INPP4B: variants seen among roughly 807,000 people sequenced by gnomAD.
INPP4B encodes inositol polyphosphate-4-phosphatase type II B.
INPP4B carries 55 observed loss-of-function variants against 122.5 expected under a neutral mutation model. The observed-to-expected ratio is 0.45, with a 90% CI of 0.36 to 0.56. The LOEUF (loss-of-function observed/expected upper bound fraction) is 0.56. Among genes scored for constraint, INPP4B ranks in the 20% least tolerant of loss-of-function variants. The pLI, the probability that INPP4B is intolerant of heterozygous loss-of-function variation, is 0.00. For synonymous variants in INPP4B, 403 were observed against 388.7 expected, an observed-to-expected ratio of 1.04 and a Z score of -0.43; for missense variants, 1,000 against 1,097.7, an observed-to-expected ratio of 0.91 and a Z score of 1.26.
chr4:142,203,121 T>G (rs1162624226), intron 14 of INPP4B, among the ~76,000 whole-genome samples: 1 of 152,112 alleles, frequency 6.6e-6, no homozygotes, highest in Non-Finnish European at 1.5e-5. Flanking sequence ...TTTATTTTTT[T>G]GCACATGCTG....
At chr4:142,230,591 C>T (rs1326349880) in intron 12 of INPP4B, among the ~76,000 whole-genome samples, 3 of 143,490 alleles carry the variant, frequency 2.1e-5, no homozygotes, top group African/African-American at 7.8e-5. Flanking sequence ...TTTGGTGAGC[C>T]GAGATCACAC....
At chr4:142,321,736 C>G (rs1455019139) in intron 7 of INPP4B, among the ~76,000 whole-genome samples, 1 of 152,096 alleles carries the variant, frequency 6.6e-6, no homozygotes, top group African/African-American at 2.4e-5. Context: ...TGTTGAAGAT[C>G]AGTTGGCTGT....
At chr4:142,193,752 C>T (rs1837001968) in intron 14 of INPP4B, among the ~76,000 whole-genome samples, 1 of 152,098 alleles carries the variant, frequency 6.6e-6, no homozygotes, top group African/African-American at 2.4e-5. Context: ...CCTTAGGTGA[C>T]ATAGAAAGAA....
chr4:142,635,148 C>T (rs1315243899), intron 2 of INPP4B, among the ~76,000 whole-genome samples: 3 of 151,946 alleles, frequency 2.0e-5, no homozygotes, highest in African/African-American at 4.8e-5. Flanking sequence ...AAATCAAAAC[C>T]ACTATGAGAT....
chr4:142,029,654 C>T, intron 25 of INPP4B: 1 of 985,370 alleles, frequency 1.0e-6, no homozygotes, highest in Non-Finnish European at 1.2e-6. Flanking sequence ...TTAATTGCAG[C>T]AAAGAAGTAA....
chr4:142,239,306 C>T (rs773479889), intron 11 of INPP4B, among the ~76,000 whole-genome samples: 23 of 152,064 alleles, frequency 1.5e-4, no homozygotes, highest in Non-Finnish European at 2.8e-4. Flanking sequence ...CATGTACATG[C>T]GTCCTGCCAA....
rs550497256 is a variant in INPP4B at position 142,084,648 on chromosome 4, A to G, written c.2487+1496T>C. The stretch of plus-strand genomic sequence containing the variant: ...CTAACAGAAATGCTACTAATCATTC[A>G]TTCAGTGGTGAATTGTGAGTAAATC... On this transcript the variant is annotated intron_variant, in intron 24 of 25. Coordinates refer to ENST00000262992, the MANE Select transcript of INPP4B (RefSeq NM_001101669.3). Among the ~76,000 whole-genome samples, 157 of 152,352 alleles carry G rather than the reference A, an allele frequency of 1.0e-3. 1 individual carries two copies. Among genetic ancestry groups the G allele is most frequent in the African/African-American group, 3.7e-3 (155 of 41,580 alleles).
intron 25 of INPP4B, 151 bp downstream of exon 25, chr4:142,081,880 T>A (rs540494398): frequency 1.6e-4 from 73 of 457,114 alleles, no homozygotes; most frequent in African/African-American, 1.4e-3. Context: ...GAGAAAATTA[T>A]CTATCTCTGA....
At chr4:142,413,803 G>A (rs545521463) in intron 5 of INPP4B, among the ~76,000 whole-genome samples, 3 of 152,172 alleles carry the variant, frequency 2.0e-5, no homozygotes, top group Non-Finnish European at 4.4e-5. Context: ...CAATAGCTTA[G>A]TATTCAGCAA....
At chr4:142,772,285 C>T (rs1020188991) in intron 1 of INPP4B, among the ~76,000 whole-genome samples, 3 of 152,048 alleles carry the variant, frequency 2.0e-5, no homozygotes, top group African/African-American at 7.2e-5. Context: ...GGAGGCCTGT[C>T]CTTAAGGAGC....
At chr4:142,591,749 G>T (rs1580447853) in intron 2 of INPP4B, among the ~76,000 whole-genome samples, 1 of 152,162 alleles carries the variant, frequency 6.6e-6, no homozygotes, top group Non-Finnish European at 1.5e-5. Context: ...ATGTTGATGA[G>T]AATTGTCCTC....
At chr4:142,424,251 T>A (rs1382526199) in intron 5 of INPP4B, among the ~76,000 whole-genome samples, 1 of 152,044 alleles carries the variant, frequency 6.6e-6, no homozygotes, top group Non-Finnish European at 1.5e-5. Context: ...TTAACTGTTT[T>A]TTTAATGATT....
At chr4:142,481,164 A>G (rs984933903) in intron 2 of INPP4B, among the ~76,000 whole-genome samples, 6 of 151,144 alleles carry the variant, frequency 4.0e-5, no homozygotes, top group African/African-American at 1.5e-4. Context: ...AAAGTAGATT[A>G]AACTGTTTAA....
chr4:142,546,181 T>A (rs953697264), intron 2 of INPP4B, among the ~76,000 whole-genome samples: 1 of 152,028 alleles, frequency 6.6e-6, no homozygotes, highest in Non-Finnish European at 1.5e-5. Context: ...AATGAGAACA[T>A]GTAGTATTTG....
chr4:142,325,813 T>C (rs943803818), intron 7 of INPP4B, among the ~76,000 whole-genome samples: 3 of 152,218 alleles, frequency 2.0e-5, no homozygotes, highest in Admixed American at 2.0e-4. Context: ...TGTAGTTCTT[T>C]AGGTTAATAG....
chr4:142,512,885 C>A (rs1260878538), intron 2 of INPP4B, among the ~76,000 whole-genome samples: 2 of 151,974 alleles, frequency 1.3e-5, no homozygotes, highest in African/African-American at 4.8e-5. Context: ...AGAAAATTAC[C>A]CAAAACCCAC....
intron 14 of INPP4B, among the ~76,000 whole-genome samples, chr4:142,203,091 T>C (rs537733154): frequency 2.0e-5 from 3 of 152,244 alleles, no homozygotes; most frequent in Admixed American, 6.5e-5. Flanking sequence ...TTGGGTGAAG[T>C]GATCACCCCA....
At chr4:142,187,179 G>T (rs372091706) in intron 15 of INPP4B, among the ~76,000 whole-genome samples, 4 of 151,996 alleles carry the variant, frequency 2.6e-5, no homozygotes, top group African/African-American at 9.6e-5. Context: ...GTCAGCTACT[G>T]AACACAGTCC....
intron 7 of INPP4B, among the ~76,000 whole-genome samples, chr4:142,341,785 T>C (rs1486596445): frequency 7.0e-6 from 1 of 142,446 alleles, no homozygotes; most frequent in Non-Finnish European, 1.6e-5. Flanking sequence ...GTGGGTCATA[T>C]GGCAAGAAAT....
Sources: gnomAD v4.1 joint callset for allele counts (sites outside exome capture counted in the v4.1 genomes callset) on GRCh38, gnomAD v4.1.1 for gene constraint, MANE v1.5 for transcripts, NCBI Gene and HGNC (gene_info 2026-07-23, HGNC 2026-07-21) for gene names.